The following ZNF611 variants were observed in gnomAD, a reference collection of about 807,000 sequenced individuals.
ZNF611 encodes the protein zinc finger protein 611.
A neutral mutation model predicts 8.9 loss-of-function variants in ZNF611; 6 were observed. The observed-to-expected ratio is 0.68, with a 90% CI of 0.37 to 1.34. ZNF611 has a LOEUF of 1.34. Ranked by LOEUF, ZNF611 falls within the 40% of genes most tolerant of loss-of-function variation. The pLI, the probability that ZNF611 is intolerant of heterozygous loss-of-function variation, is 0.02. For missense variants in ZNF611, 874 were observed against 841.3 expected, an observed-to-expected ratio of 1.04 and a Z score of -0.48; for synonymous variants, 262 against 279.7, an observed-to-expected ratio of 0.94 and a Z score of 0.63.
chr19:52,724,818 G>A (rs2062381284), intron 3 of ZNF611, among the ~76,000 whole-genome samples: 1 of 151,962 alleles, frequency 6.6e-6, no homozygotes, highest in Non-Finnish European at 1.5e-5. Context: ...CCTCACTCTG[G>A]TGAGCCTCCC....
intron 3 of ZNF611, among the ~76,000 whole-genome samples, chr19:52,722,905 G>GTTTTTTTTTTTTTT (rs372056346): frequency 2.5e-5 from 3 of 119,974 alleles, no homozygotes; most frequent in Non-Finnish European, 3.4e-5. Context: ...TTTTGTTTTC[G>GTTTTTTTTTTTTTT]TTTTTTTTTT....
rs2062239913 is a variant in ZNF611, at chr19:52,705,983, G to A, written c.1072C>T (p.Leu358Phe). ...CDKAFNQQSQ[L>F]SHHRIHTGEK... ...CCAGTATGAATTCTATGATGTGAAA[G>A]TTGTGATTGTTGATTAAAAGCCTTG... The change falls in exon 6 of 6, where the codon CTT becomes TTT. Residue 358 changes from leucine (L) to phenylalanine (F), a missense_variant. Physicochemically the swap from Leu to Phe is conservative, Grantham distance 22. Transcript: ENST00000652185. 1.2e-6 allele frequency: 2 copies of A among 1,614,084 alleles called. No individual in the cohort carries two copies. The highest frequency in any genetic ancestry group is 2.7e-5 in the African/African-American group (2 of 75,022).
At position 52,703,589 on chromosome 19, in the gene ZNF611, C is replaced by CTTTTTTTT. The variant is rs35920831; in HGVS notation, c.*1340_*1347dup. 8.9e-6 allele frequency: 1 copy of CTTTTTTTT among 112,452 alleles called. No homozygotes were observed. Among genetic ancestry groups the CTTTTTTTT allele is most frequent in the African/African-American group, 3.4e-5 (1 of 29,600 alleles). 7.0% of individuals were successfully genotyped at this position (112,452 alleles called of 1,614,324 possible). A position where few individuals can be genotyped will look rare whatever the true frequency, so the allele number is the denominator to read the frequency against. ...CACCACGTACCGAGGCTTTGATATC[C>CTTTTTTTT]TTTTTTTTTTTTTTTTTTTTGAGAT... On this transcript the variant is annotated 3_prime_UTR_variant, in exon 6 of 6. Transcript: ENST00000652185.
intron 3 of ZNF611, among the ~76,000 whole-genome samples, chr19:52,725,624 G>A (rs1373642899): frequency 6.6e-6 from 1 of 152,172 alleles, no homozygotes; most frequent in East Asian, 1.9e-4. Flanking sequence ...AGGAAGACAG[G>A]CAAGAATTTC....
intron 3 of ZNF611, among the ~76,000 whole-genome samples, chr19:52,725,827 T>TG (rs377621050): frequency 6.6e-6 from 1 of 151,906 alleles, no homozygotes; most frequent in East Asian, 2.0e-4. Flanking sequence ...GGGGCCTGGG[T>TG]GGGACAGAGG....
At chr19:52,721,393 T>C (rs988100087) in intron 3 of ZNF611, 3 of 168,792 alleles carry the variant, frequency 1.8e-5, no homozygotes, top group Non-Finnish European at 3.7e-5. Flanking sequence ...TGGGCAACAT[T>C]GAGCACTGAG....
chr19:52,704,332 T>C lies in ZNF611; in HGVS notation c.*605A>G, dbSNP rs533913905. 3.3e-6 allele frequency: 2 copies of C among 599,760 alleles called. No individual in the cohort carries two copies. Among genetic ancestry groups the C allele is most frequent in the South Asian group, 2.8e-5 (2 of 71,070 alleles). 37.2% of individuals were successfully genotyped at this position (599,760 alleles called of 1,614,324 possible). A position where few individuals can be genotyped will look rare whatever the true frequency, so the allele number is the denominator to read the frequency against. ...ATGGAGTGATCTTGGACTGAAGACCTTGCCACACTGATGACATTTGTAAGA... is the reference window on the plus strand; with the variant it reads ...ATGGAGTGATCTTGGACTGAAGACCCTGCCACACTGATGACATTTGTAAGA... On this transcript the variant is annotated 3_prime_UTR_variant, in exon 6 of 6. Transcript: ENST00000652185.
chr19:52,728,090 G>A (rs1158328500), intron 3 of ZNF611, among the ~76,000 whole-genome samples: 1 of 151,914 alleles, frequency 6.6e-6, no homozygotes, highest in Non-Finnish European at 1.5e-5. Context: ...TGAATTTTTA[G>A]TAGAGACAGG....
intron 2 of ZNF611, among the ~76,000 whole-genome samples, chr19:52,729,388 G>A (rs1437279759): frequency 1.3e-5 from 2 of 150,530 alleles, no homozygotes; most frequent in East Asian, 4.0e-4. Context: ...AGCTACTCAG[G>A]AGACTGAGGC....
At chr19:52,734,226 T>A (rs2147454430) in intron 1 of ZNF611, among the ~76,000 whole-genome samples, 1 of 151,008 alleles carries the variant, frequency 6.6e-6, no homozygotes, top group South Asian at 2.1e-4. Context: ...TCTCTTGGCA[T>A]ATCCCTCACC....
At position 52,712,456 on chromosome 19, in the gene ZNF611, T is replaced by TAAAAAAAA. The variant is rs55649603; in HGVS notation, c.190+1551_190+1558dup. 5.1e-4 allele frequency among the ~76,000 whole-genome samples: 19 copies of TAAAAAAAA among 37,464 alleles called. 3 individuals carry two copies. The highest frequency in any genetic ancestry group is 2.1e-3 in the African/African-American group (19 of 8,996). 24.6% of individuals were successfully genotyped at this position (37,464 alleles called of 152,430 possible). On this transcript the variant is annotated intron_variant, in intron 5 of 5. Transcript: ENST00000652185. ...ATGCATGGTGAAACACTGTCTCTACTAAAAAAAAAAAAAAAAAAAAAAAAA... is the reference window on the plus strand; with the variant it reads ...ATGCATGGTGAAACACTGTCTCTACTAAAAAAAAAAAAAAAAAAAAAAAAAAAAAAAAA...
intron 5 of ZNF611, among the ~76,000 whole-genome samples, chr19:52,709,895 G>A (rs1238656447): frequency 6.6e-6 from 1 of 152,090 alleles, no homozygotes; most frequent in Non-Finnish European, 1.5e-5. Flanking sequence ...AAAAGAGACA[G>A]TAAAGAGCTC....
Position 52,705,860 on chromosome 19 carries a change from T to A in ZNF611, c.1195A>T (p.Arg399Ter), listed in dbSNP as rs1157596631. ...AAAGCTGTGTCACAAACCTTACATCTGTATGGTTTCTCTCCAGTATGAATT... is the reference window on the plus strand; with the variant it reads ...AAAGCTGTGTCACAAACCTTACATCAGTATGGTTTCTCTCCAGTATGAATT... ...KRIHTGEKPY[R>*]CKVCDTAFTW... is the part of the protein sequence containing the mutation. Residue 399 changes from arginine (R) to a stop codon, truncating the protein, a stop_gained, in exon 6 of 6, where the codon AGA (arginine) becomes TGA (stop). Transcript: ENST00000652185. LOFTEE classifies it low-confidence loss of function (END_TRUNC). 6.2e-7 allele frequency: 1 copy of A among 1,614,192 alleles called. No homozygotes were observed. The highest frequency in any genetic ancestry group is 8.5e-7 in the Non-Finnish European group (1 of 1,180,030).
At position 52,705,672 on chromosome 19, in the gene ZNF611, C is replaced by T. The variant is rs139253843; in HGVS notation, c.1383G>A (p.Lys461=). Residue 461 remains lysine, a synonymous_variant, in exon 6 of 6, where the codon AAG becomes AAA. Coordinates refer to ENST00000652185, the MANE Select transcript of ZNF611 (RefSeq NM_001161499.2). ...CCAGTTGTGAACTCCACACAAAAGCCTTGTCACAAACCTTACATTTGTAAG... is the reference window on the plus strand; with the variant it reads ...CCAGTTGTGAACTCCACACAAAAGCTTTGTCACAAACCTTACATTTGTAAG... ...EKSYKCKVCD[K]AFVWSSQLAK... is the part of the protein sequence containing the mutation. 1 of 1,613,828 alleles carries T rather than the reference C, an allele frequency of 6.2e-7. No homozygotes were observed. Among genetic ancestry groups the T allele is most frequent in the Middle Eastern group, 1.6e-4 (1 of 6,062 alleles).
Position 52,704,182 on chromosome 19 carries a change from A to G in ZNF611, c.*755T>C. 2.6e-6 allele frequency: 1 copy of G among 387,108 alleles called. No individual in the cohort carries two copies. Among genetic ancestry groups the G allele is most frequent in the Non-Finnish European group, 5.2e-6 (1 of 190,518 alleles). 24.0% of individuals were successfully genotyped at this position (387,108 alleles called of 1,614,324 possible). On this transcript the variant is annotated 3_prime_UTR_variant, in exon 6 of 6. Coordinates refer to ENST00000652185, the MANE Select transcript of ZNF611 (RefSeq NM_001161499.2). ...GAATGTCAATAAAGGCTTGAACTCA[A>G]TGTTAAGTCAACACAAACTCAAGTC...
chr19:52,733,429 C>G (rs955561163), intron 1 of ZNF611, among the ~76,000 whole-genome samples: 2 of 152,122 alleles, frequency 1.3e-5, no homozygotes, highest in Non-Finnish European at 2.9e-5. Context: ...GCCACCAGAG[C>G]AGCTGGGAGT....
In ZNF611 at chr19:52,706,084, A is replaced by C. The variant is rs376337808; in HGVS notation, c.971T>G (p.Phe324Cys). ...RYNCNECGKI[F>C]GQNSALLIDK... is the part of the protein sequence containing the mutation. ...AATTAGAAGGGCTGAATTTTGACCA[A>C]AGATCTTGCCACACTCATTACAATT... is the stretch of plus-strand genomic sequence containing the variant. Residue 324 changes from phenylalanine to cysteine, a missense_variant, in exon 6 of 6, where the codon TTT becomes TGT. Phe to Cys is a radical substitution (Grantham distance 205). Transcript: ENST00000652185. 6.2e-7 allele frequency: 1 copy of C among 1,614,116 alleles called. No homozygotes were observed. Among genetic ancestry groups the C allele is most frequent in the Non-Finnish European group, 8.5e-7 (1 of 1,180,006 alleles).
chr19:52,706,447 T>C lies in ZNF611; in HGVS notation c.608A>G (p.Gln203Arg). 6.2e-7 allele frequency: 1 copy of C among 1,614,184 alleles called. No individual in the cohort carries two copies. The highest frequency in any genetic ancestry group is 8.5e-7 in the Non-Finnish European group (1 of 1,180,028). The change falls in exon 6 of 6, where the codon CAG (glutamine) becomes CGG (arginine). Residue 203 changes from glutamine to arginine, a missense_variant. Physicochemically the swap from Gln to Arg is conservative, Grantham distance 43 (BLOSUM62 1). Transcript: ENST00000652185. ...ATTATTCCCATAGTTATTAGAAATC[T>C]GGGTTTGGGGCCTACAGGAAATTCT... ...FQRISCRPQT[Q>R]ISNNYGNNPL...
chr19:52,726,722 G>GTTTTTTTTT (rs56146245), intron 3 of ZNF611, among the ~76,000 whole-genome samples: 2 of 130,302 alleles, frequency 1.5e-5, no homozygotes, highest in Admixed American at 7.7e-5. Flanking sequence ...TCGGCCTTGT[G>GTTTTTTTTT]TTTTTTTTTT....
Sources: gnomAD v4.1 joint callset for allele counts (sites outside exome capture counted in the v4.1 genomes callset) on GRCh38, gnomAD v4.1.1 for gene constraint, MANE v1.5 for transcripts, NCBI Gene and HGNC (gene_info 2026-07-23, HGNC 2026-07-21) for gene names.